RUVBL1: variants seen among roughly 807,000 people sequenced by gnomAD.
RUVBL1 encodes ruvB-like 1.
A neutral mutation model predicts 52.4 loss-of-function variants in RUVBL1; 4 were observed. The ratio of observed to expected loss-of-function variants is 0.08; its 90% CI spans 0.04 to 0.17. RUVBL1 has a LOEUF of 0.17. Ranked by LOEUF, RUVBL1 falls within the 10% of genes least tolerant of loss-of-function variation. The pLI, the probability that RUVBL1 is intolerant of heterozygous loss-of-function variation, is 1.00. For synonymous variants in RUVBL1, 217 were observed against 214.4 expected, an observed-to-expected ratio of 1.01 and a Z score of -0.10; for missense variants, 298 against 572.8, an observed-to-expected ratio of 0.52 and a Z score of 4.90.
intron 1 of RUVBL1, among the ~76,000 whole-genome samples, chr3:128,142,846 T>C (rs1238720060): frequency 1.3e-5 from 2 of 152,048 alleles, no homozygotes; most frequent in Non-Finnish European, 2.9e-5. Context: ...AGAGGGGTGA[T>C]CTTGGTTCAC....
chr3:128,098,812 C>T (rs530714620), intron 7 of RUVBL1, 70 bp downstream of exon 7: 8 of 1,319,596 alleles, frequency 6.1e-6, no homozygotes, highest in Admixed American at 3.4e-5. Flanking sequence ...CTCACAGAGC[C>T]GCAAGAGCAT....
intron 1 of RUVBL1, among the ~76,000 whole-genome samples, chr3:128,145,161 A>G (rs995725536): frequency 1.3e-5 from 2 of 152,232 alleles, no homozygotes; most frequent in African/African-American, 4.8e-5. Context: ...ACTCTGATAT[A>G]GCACTTATTA....
chr3:128,092,377 T>C (rs1942861729), intron 8 of RUVBL1, among the ~76,000 whole-genome samples: 1 of 151,872 alleles, frequency 6.6e-6, no homozygotes, highest in Non-Finnish European at 1.5e-5. Context: ...AATTTAAAAC[T>C]TCTGTGTGTC....
In RUVBL1 at chr3:128,081,105, G is replaced by C. The variant is rs562008395; in HGVS notation, c.*145C>G. On this transcript the variant is annotated 3_prime_UTR_variant, in exon 11 of 11. Coordinates refer to ENST00000322623, the MANE Select transcript of RUVBL1 (RefSeq NM_003707.3). This position sits in a 1 kb window ranked among gnomAD's most constrained non-coding sequence, Gnocchi z 4.8. Reference sequence around the variant, plus strand: ...AGGAACAGTTACGATAACTTAAAAAGAAATGCTTTCCACACTGAACTGACA... The same window carrying C: ...AGGAACAGTTACGATAACTTAAAAACAAATGCTTTCCACACTGAACTGACA... The C allele has an allele frequency of 8.5e-6, 6 of 709,418 alleles. No homozygotes were observed. The East Asian group carries it at 1.6e-4, about 19-fold the overall frequency. The allele number at this position is 709,418 out of a possible 1,614,324, so 43.9% of individuals were successfully genotyped here.
intron 2 of RUVBL1, among the ~76,000 whole-genome samples, chr3:128,114,630 C>T (rs912833756): frequency 7.2e-5 from 11 of 152,320 alleles, no homozygotes; most frequent in South Asian, 2.1e-4. Context: ...AAGGCAGACA[C>T]GCCACAGTGC....
chr3:128,089,909 C>CAAAA (rs57182193), intron 8 of RUVBL1, among the ~76,000 whole-genome samples: 1 of 59,352 alleles, frequency 1.7e-5, no homozygotes, highest in Non-Finnish European at 2.9e-5. Flanking sequence ...GACCCTATCT[C>CAAAA]AAAAAAAAAA....
At chr3:128,150,900 A>G (rs1356079169) in intron 1 of RUVBL1, among the ~76,000 whole-genome samples, 36 of 86,364 alleles carry the variant, frequency 4.2e-4, no homozygotes, top group Non-Finnish European at 6.8e-4. Context: ...TTCTATATAT[A>G]TAATATAATA....
At chr3:128,102,151 A>G (rs1340493089) in intron 4 of RUVBL1, among the ~76,000 whole-genome samples, 2 of 152,326 alleles carry the variant, frequency 1.3e-5, no homozygotes, top group Non-Finnish European at 1.5e-5. Context: ...CTGCTTACCA[A>G]TCTCAAAGCT....
chr3:128,117,759 T>C (rs1943560161), intron 2 of RUVBL1, among the ~76,000 whole-genome samples: 1 of 151,970 alleles, frequency 6.6e-6, no homozygotes, highest in South Asian at 2.1e-4. Context: ...AGCAGAGACA[T>C]AATACTCAGA....
At chr3:128,079,203 G>C (rs955869332), downstream of RUVBL1, 1 of 152,378 alleles carries the variant, frequency 6.6e-6, no homozygotes, top group African/African-American at 2.4e-5. Context: ...TGGTCCTCTA[G>C]GTGGGTCACC....
upstream of RUVBL1, among the ~76,000 whole-genome samples, chr3:128,126,125 A>C (rs143653176): frequency 1.5e-4 from 23 of 152,224 alleles, no homozygotes; most frequent in East Asian, 3.9e-3. Context: ...TTTTGTGGCC[A>C]GTACGGGTGG....
chr3:128,140,228 G>GTTTT lies in RUVBL1; in HGVS notation c.-40+12974_-40+12975insAAAA, dbSNP rs372296453. Among the ~76,000 whole-genome samples, 24 of 53,428 alleles carry GTTTT rather than the reference G, an allele frequency of 4.5e-4. 3 individuals are homozygous for GTTTT. The highest frequency in any genetic ancestry group is 6.9e-4 in the African/African-American group (15 of 21,656). 35.1% of individuals were successfully genotyped at this position (53,428 alleles called of 152,430 possible). On this transcript the variant is annotated intron_variant, in intron 1 of 9. Coordinates refer to the RUVBL1 transcript ENST00000464873. ...TGATATGATACAAGTTTTTTTGTTT[G>GTTTT]TTTGTTTTTTTTTTTTTTGAGACGG...
At chr3:128,097,535 A>G (rs1377105516) in intron 7 of RUVBL1, 37 bp from the exon 8 acceptor site, 1 of 1,585,878 alleles carries the variant, frequency 6.3e-7, no homozygotes, top group East Asian at 2.2e-5. Flanking sequence ...AGGTCAGCAC[A>G]GGGCTGGGGG....
chr3:128,070,352 T>G (rs1351513190), intron 9 of RUVBL1: 1 of 152,290 alleles, frequency 6.6e-6, no homozygotes, highest in African/African-American at 2.4e-5. Context: ...GTCTGCCTGT[T>G]TCTGCTAGCT....
intron 2 of RUVBL1, among the ~76,000 whole-genome samples, chr3:128,118,943 C>G (rs181002306): frequency 1.3e-5 from 2 of 152,126 alleles, no homozygotes; most frequent in Admixed American, 6.6e-5. Flanking sequence ...AATAGCGATG[C>G]GTAAAGCTAG....
At position 128,097,196 on chromosome 3, in the gene RUVBL1, C is replaced by T. The variant is rs1943001227; in HGVS notation, c.1016+104G>A. ...TTTCCCTCAAAAACAACATGACCTC[C>T]CCTCATCCCTGTCCCACCTCATGGG... On this transcript the variant is annotated intron_variant, in intron 8 of 10. Coordinates refer to ENST00000322623, the MANE Select transcript of RUVBL1 (RefSeq NM_003707.3). 6.2e-6 allele frequency: 7 copies of T among 1,132,020 alleles called. No homozygotes were observed. In the South Asian group the frequency reaches 9.6e-5, roughly 16 times the overall value. The allele number at this position is 1,132,020 out of a possible 1,614,324, so 70.1% of individuals were successfully genotyped here. A position where few individuals can be genotyped will look rare whatever the true frequency, so the allele number is the denominator to read the frequency against.
intron 5 of RUVBL1, 36 bp from the exon 6 acceptor site, chr3:128,100,780 T>G (rs755831218): frequency 6.2e-7 from 1 of 1,612,956 alleles, no homozygotes; most frequent in Admixed American, 1.7e-5. Flanking sequence ...CCTGGTAAGT[T>G]TTCACTGCCA....
intron 9 of RUVBL1, among the ~76,000 whole-genome samples, chr3:128,066,162 A>G (rs887259749): frequency 6.6e-6 from 1 of 152,110 alleles, no homozygotes; most frequent in African/African-American, 2.4e-5. Context: ...ATTCCTAGAA[A>G]AGTTTAGCTT....
In RUVBL1 at chr3:128,082,459, G is replaced by A. The variant is rs1403601613; in HGVS notation, c.1211+24C>T. 36 of 1,596,344 alleles carry A rather than the reference G, an allele frequency of 2.3e-5. No individual in the cohort carries two copies. Among genetic ancestry groups the A allele is most frequent in the Non-Finnish European group, 2.7e-5 (32 of 1,164,854 alleles). The stretch of plus-strand genomic sequence containing the variant: ...GCCCTGGCTGTGCTGGGGAGGCCCC[G>A]GCGGGCCCAGGGTACCAGCTCACCT... On this transcript the variant is annotated intron_variant, in intron 10 of 10. Transcript: ENST00000322623. The surrounding 1 kb of genome is among the most constrained non-coding windows in gnomAD (Gnocchi z 4.7).
Sources: gnomAD v4.1 joint callset for allele counts (sites outside exome capture counted in the v4.1 genomes callset) on GRCh38, gnomAD v4.1.1 for gene constraint, Gnocchi (gnomAD v3.1) non-coding constraint, MANE v1.5 for transcripts, NCBI Gene and HGNC (gene_info 2026-07-23, HGNC 2026-07-21) for gene names.